Variants in ZPBP observed in about 807,000 individuals in gnomAD.
ZPBP encodes the protein zona pellucida-binding protein 1.
A neutral mutation model predicts 44.8 loss-of-function variants in ZPBP; 26 were observed. That is an observed-to-expected ratio of 0.58 (90% CI 0.43 to 0.81). The LOEUF is 0.81. Among genes scored for constraint, ZPBP ranks in the 30% least tolerant of loss-of-function variants. The pLI, the probability that ZPBP is intolerant of heterozygous loss-of-function variation, is 0.00. For synonymous variants in ZPBP, 174 were observed against 153.2 expected (o/e 1.14, Z -1.00); for missense variants, 409 against 434.0 (o/e 0.94, Z 0.51).
intron 4 of ZPBP, among the ~76,000 whole-genome samples, chr7:50,034,038 A>G (rs1261202522): frequency 6.6e-6 from 1 of 152,154 alleles, no homozygotes; most frequent in Non-Finnish European, 1.5e-5. Context: ...AATGAGGCTA[A>G]AACTTCCTTA....
At chr7:49,901,270 TA>T (rs959102503) in intron 1 of ZPBP, 1 of 151,602 alleles carries the variant, frequency 6.6e-6, no homozygotes, top group African/African-American at 2.4e-5. Flanking sequence ...AAAGAAGAAA[TA>T]AAACTGTCTT....
intron 6 of ZPBP, among the ~76,000 whole-genome samples, chr7:50,009,011 A>T (rs1013415380): frequency 1.3e-5 from 2 of 152,058 alleles, no homozygotes; most frequent in African/African-American, 4.8e-5. Flanking sequence ...AGCTGTGTGG[A>T]TCACCTGAGG....
At chr7:49,856,716 T>G (rs570801212) in intron 2 of ZPBP, among the ~76,000 whole-genome samples, 5 of 152,308 alleles carry the variant, frequency 3.3e-5, no homozygotes, top group South Asian at 4.1e-4. Flanking sequence ...CTTTTGGTTT[T>G]GTTTTGTTCT....
chr7:49,927,881 G>C (rs1422402275), intron 1 of ZPBP, among the ~76,000 whole-genome samples: 1 of 152,202 alleles, frequency 6.6e-6, no homozygotes, highest in African/African-American at 2.4e-5. Context: ...TAAGTCTACA[G>C]ATGGTGGTTT....
At chr7:49,976,072 C>A (rs998068330) in intron 7 of ZPBP, among the ~76,000 whole-genome samples, 1 of 152,144 alleles carries the variant, frequency 6.6e-6, no homozygotes, top group Non-Finnish European at 1.5e-5. Flanking sequence ...CAAATCATTA[C>A]TTATACCAGT....
chr7:50,047,672 A>C (rs1415870845), intron 4 of ZPBP, among the ~76,000 whole-genome samples: 1 of 151,996 alleles, frequency 6.6e-6, no homozygotes, highest in Non-Finnish European at 1.5e-5. Context: ...CAAAAAAAAA[A>C]AAAAAAACCC....
chr7:49,874,868 C>A (rs1310797681), intron 2 of ZPBP, among the ~76,000 whole-genome samples: 1 of 152,006 alleles, frequency 6.6e-6, no homozygotes, highest in African/African-American at 2.4e-5. Flanking sequence ...GAGAGTATGG[C>A]CAGAACCTGC....
At chr7:49,896,874 A>G (rs1792407723) in intron 2 of ZPBP, among the ~76,000 whole-genome samples, 1 of 145,106 alleles carries the variant, frequency 6.9e-6, no homozygotes, top group African/African-American at 2.5e-5. Flanking sequence ...AGAAAATTGG[A>G]TTGATAATTT....
At chr7:50,064,135 G>A (rs1019708543) in intron 3 of ZPBP, among the ~76,000 whole-genome samples, 11 of 152,250 alleles carry the variant, frequency 7.2e-5, no homozygotes, top group Admixed American at 1.3e-4. Context: ...TTAAAGCTGG[G>A]CATCCGGGGG....
chr7:50,054,622 T>C lies in ZPBP; in HGVS notation c.487+3367A>G, dbSNP rs151335146. ...TTTTATATATATAGAAAATTATAAG[T>C]TGATTTTACTTCTTACAATCCAGGT... is the stretch of plus-strand genomic sequence containing the variant. On this transcript the variant is annotated intron_variant, in intron 4 of 7. Transcript: ENST00000046087. 2.3e-3 allele frequency among the ~76,000 whole-genome samples: 352 copies of C among 152,256 alleles called. 2 individuals are homozygous for C. The highest frequency in any genetic ancestry group is 0.01 in the Middle Eastern group (3 of 294).
rs55971066 is a variant in ZPBP at position 49,987,728 on chromosome 7, TTGTGTGTGTGTGTGTGTGTG to T, written c.784-4229_784-4210del. Reference sequence around the variant, plus strand: ...GCCTTTCTGTGTAGTTATATATGTGTTGTGTGTGTGTGTGTGTGTGTGTGTGTGTGTGTGTGTGTGTGTGC... The same window carrying T: ...GCCTTTCTGTGTAGTTATATATGTGTTGTGTGTGTGTGTGTGTGTGTGTGC... On this transcript the variant is annotated intron_variant, in intron 6 of 7. Coordinates refer to ENST00000046087, the MANE Select transcript of ZPBP (RefSeq NM_007009.3). Among the ~76,000 whole-genome samples the T allele has an allele frequency of 3.2e-4, 47 of 145,654 alleles. No homozygotes were observed. The East Asian group carries it at 4.4e-3, about 14-fold the overall frequency.
At chr7:49,955,177 T>C (rs1795524094) in intron 7 of ZPBP, among the ~76,000 whole-genome samples, 1 of 151,926 alleles carries the variant, frequency 6.6e-6, no homozygotes, top group African/African-American at 2.4e-5. Context: ...GATAAAGCAA[T>C]GTTAGGAAAA....
intron 7 of ZPBP, among the ~76,000 whole-genome samples, chr7:49,978,995 A>T (rs574262293): frequency 7.9e-5 from 12 of 152,220 alleles, no homozygotes; most frequent in African/African-American, 2.9e-4. Context: ...TATTAACCAT[A>T]AGATGGCACA....
At chr7:50,017,035 G>T (rs1216659172) in intron 6 of ZPBP, among the ~76,000 whole-genome samples, 1 of 152,070 alleles carries the variant, frequency 6.6e-6, no homozygotes, top group Non-Finnish European at 1.5e-5. Flanking sequence ...TCCACAGACT[G>T]GGAGGGTGGG....
chr7:49,915,964 A>C (rs1300520017), intron 1 of ZPBP: 5 of 152,198 alleles, frequency 3.3e-5, no homozygotes, highest in Non-Finnish European at 5.9e-5. Flanking sequence ...TGATACAGTC[A>C]GTAACTATTC....
intron 5 of ZPBP, among the ~76,000 whole-genome samples, chr7:50,029,138 A>G (rs1799477539): frequency 6.6e-6 from 1 of 152,204 alleles, no homozygotes; most frequent in Admixed American, 6.5e-5. Context: ...GAACAGAAAT[A>G]CAGAACAATG....
At chr7:50,049,793 C>T (rs1409527755) in intron 4 of ZPBP, among the ~76,000 whole-genome samples, 2 of 151,454 alleles carry the variant, frequency 1.3e-5, no homozygotes, top group African/African-American at 4.8e-5. Context: ...ACTTTTTCAA[C>T]ATATATCTAA....
chr7:49,968,904 T>G (rs1050613517), intron 7 of ZPBP, among the ~76,000 whole-genome samples: 7 of 151,932 alleles, frequency 4.6e-5, no homozygotes, highest in African/African-American at 1.7e-4. Flanking sequence ...ACTATAAGAA[T>G]GTATCTCATA....
chr7:50,020,531 C>G (rs1016190824), intron 5 of ZPBP, among the ~76,000 whole-genome samples: 1 of 152,020 alleles, frequency 6.6e-6, no homozygotes, highest in Non-Finnish European at 1.5e-5. Flanking sequence ...CCACATGACA[C>G]TCATGTTTTC....
Sources: allele counts gnomAD v4.1 joint callset (sites outside exome capture counted in the v4.1 genomes callset), GRCh38; gene constraint gnomAD v4.1.1; transcripts MANE v1.5; gene names NCBI Gene and HGNC (gene_info 2026-07-23, HGNC 2026-07-21).